The following DSCAML1 variants were observed in gnomAD, a reference collection of about 807,000 sequenced individuals.
DSCAML1 encodes the protein cell adhesion molecule DSCAML1.
DSCAML1 carries 38 observed loss-of-function variants against 200.5 expected under a neutral mutation model. The ratio of observed to expected loss-of-function variants is 0.19; its 90% CI spans 0.15 to 0.25. The LOEUF (loss-of-function observed/expected upper bound fraction) is 0.25, where lower values mean the gene tolerates loss of function less well. Ranked by LOEUF, DSCAML1 falls within the 10% of genes least tolerant of loss-of-function variation. DSCAML1 has a pLI of 1.00. For synonymous variants in DSCAML1, 1,215 were observed against 1,165.0 expected, an observed-to-expected ratio of 1.04 and a Z score of -0.87; for missense variants, 2,223 against 2,858.8, an observed-to-expected ratio of 0.78 and a Z score of 5.07.
intron 3 of DSCAML1, among the ~76,000 whole-genome samples, chr11:117,625,962 G>A (rs2137560432): frequency 2.6e-5 from 4 of 152,350 alleles, no homozygotes; most frequent in Middle Eastern, 3.4e-3. Context: ...CTGGTCCCAT[G>A]CCTGTGGGCA....
rs545473375 is a variant in DSCAML1 at position 117,432,347 on chromosome 11, C to T, written c.5179+5G>A. 2.5e-5 allele frequency: 40 copies of T among 1,611,796 alleles called. No individual in the cohort carries two copies. The South Asian group carries it at 3.0e-4, about 12-fold the overall frequency. On this transcript the variant is annotated splice_donor_5th_base_variant and intron_variant, in intron 30 of 32. Transcript: ENST00000651296. Reference sequence around the variant, plus strand: ...AAGGGCTGTCTCCCTGGGGATAATGCGTACTGGTTCCTGGCCGGATGTCAG... The same window carrying T: ...AAGGGCTGTCTCCCTGGGGATAATGTGTACTGGTTCCTGGCCGGATGTCAG...
At chr11:117,600,203 T>C (rs1013699252) in intron 3 of DSCAML1, among the ~76,000 whole-genome samples, 1 of 152,204 alleles carries the variant, frequency 6.6e-6, no homozygotes, top group Non-Finnish European at 1.5e-5. Context: ...ACATCTTCCG[T>C]TGCCGGCGGG....
At chr11:117,678,000 G>A (rs1040264402) in intron 3 of DSCAML1, among the ~76,000 whole-genome samples, 1 of 152,214 alleles carries the variant, frequency 6.6e-6, no homozygotes, top group Non-Finnish European at 1.5e-5. Context: ...AGCTAAGGGG[G>A]ACTCCGGAGA....
intron 3 of DSCAML1, among the ~76,000 whole-genome samples, chr11:117,586,987 C>T (rs2051157001): frequency 6.6e-6 from 1 of 152,172 alleles, no homozygotes; most frequent in Non-Finnish European, 1.5e-5. Flanking sequence ...CCCACAGTCC[C>T]ATCTGATCCT....
rs1191799830 is a variant in DSCAML1, at chr11:117,566,738, C to T, written c.512-34216G>A. ...TGCTATCCCTCCCCACTCCCCCTAC[C>T]CCACAACAGTCCCCAGAGTGTGATG... On this transcript the variant is annotated intron_variant, in intron 3 of 32. Coordinates refer to ENST00000651296, the MANE Select transcript of DSCAML1 (RefSeq NM_020693.4). Among the ~76,000 whole-genome samples, 8 of 148,188 alleles carry T rather than the reference C, an allele frequency of 5.4e-5. No individual in the cohort carries two copies. In the East Asian group the frequency reaches 1.6e-3, roughly 29 times the overall value.
At chr11:117,634,541 A>G (rs1247739054) in intron 3 of DSCAML1, among the ~76,000 whole-genome samples, 1 of 152,152 alleles carries the variant, frequency 6.6e-6, no homozygotes, top group Non-Finnish European at 1.5e-5. Context: ...CTGGGGATTT[A>G]ATTCCAGTTG....
At chr11:117,605,859 A>G (rs1316718591) in intron 3 of DSCAML1, among the ~76,000 whole-genome samples, 1 of 152,050 alleles carries the variant, frequency 6.6e-6, no homozygotes, top group Admixed American at 6.6e-5. Flanking sequence ...GGGCAGAGTC[A>G]CTTAATCTCC....
At chr11:117,616,248 T>G (rs1273364791) in intron 3 of DSCAML1, among the ~76,000 whole-genome samples, 2 of 152,162 alleles carry the variant, frequency 1.3e-5, no homozygotes, top group African/African-American at 4.8e-5. Flanking sequence ...TTGGATGGAT[T>G]GGGCTGTGGA....
At chr11:117,522,577 T>C (rs573183940) in intron 5 of DSCAML1, among the ~76,000 whole-genome samples, 1 of 152,334 alleles carries the variant, frequency 6.6e-6, no homozygotes, top group South Asian at 2.1e-4. Flanking sequence ...CAAGCTCATG[T>C]GGGCCGAGTG....
chr11:117,718,687 A>C (rs2053998667), intron 3 of DSCAML1, among the ~76,000 whole-genome samples: 1 of 22,310 alleles, frequency 4.5e-5, no homozygotes, highest in Non-Finnish European at 1.1e-4. Flanking sequence ...CCCCCCCATC[A>C]TATGAGACCT....
At position 117,482,177 on chromosome 11, in the gene DSCAML1, C is replaced by A; in HGVS notation, c.2360-15G>T. 2 of 1,613,654 alleles carry A rather than the reference C, an allele frequency of 1.2e-6. No homozygotes were observed. The highest frequency in any genetic ancestry group is 2.2e-5 in the South Asian group (2 of 91,018). ...CATGGCCGGGACTGGGGGGCGGAGG[C>A]AGAGAAGGCCCAGTGAAGGTCGGGA... On this transcript the variant is annotated splice_polypyrimidine_tract_variant and intron_variant, in intron 11 of 32. Transcript: ENST00000651296.
At chr11:117,796,815 C>G (rs2055586182) in intron 1 of DSCAML1, among the ~76,000 whole-genome samples, 1 of 152,164 alleles carries the variant, frequency 6.6e-6, no homozygotes, top group South Asian at 2.1e-4. Flanking sequence ...GGGCGCGCCC[C>G]AAAACGGCAG....
At chr11:117,794,950 G>A (rs1174668304) in intron 1 of DSCAML1, among the ~76,000 whole-genome samples, 1 of 152,188 alleles carries the variant, frequency 6.6e-6, no homozygotes, top group Non-Finnish European at 1.5e-5. Context: ...CGCCACAACT[G>A]GCATCTCCAG....
Position 117,489,481 on chromosome 11 carries a change from C to T in DSCAML1, c.2360-7319G>A, listed in dbSNP as rs940852201. On this transcript the variant is annotated intron_variant, in intron 11 of 32. Coordinates refer to ENST00000651296, the MANE Select transcript of DSCAML1 (RefSeq NM_020693.4). This position sits in a 1 kb window ranked among gnomAD's most constrained non-coding sequence, Gnocchi z 4.8. The stretch of plus-strand genomic sequence containing the variant: ...GGGTGCAGGGGAGACTTTCTGGGGA[C>T]TTGAGAGAAGGGAAGGGCTAGGGCT... Among the ~76,000 whole-genome samples the T allele has an allele frequency of 2.6e-5, 4 of 152,116 alleles. No homozygotes were observed. Among genetic ancestry groups the T allele is most frequent in the African/African-American group, 9.7e-5 (4 of 41,422 alleles).
chr11:117,484,886 AGTGTGTGTGTGTGTGTGTGTGTGTGTGT>A (rs55850829), intron 11 of DSCAML1, among the ~76,000 whole-genome samples: 15 of 119,090 alleles, frequency 1.3e-4, no homozygotes, highest in Admixed American at 3.3e-4. Context: ...GCAGAGGAAC[AGTGTGTGTGTGTGTGTGTGTGTGTGTGT>A]GTGTGTGTGT....
intron 3 of DSCAML1, among the ~76,000 whole-genome samples, chr11:117,690,850 G>C: frequency 6.6e-6 from 1 of 152,172 alleles, no homozygotes; most frequent in East Asian, 1.9e-4. Context: ...GGAGAGTAGA[G>C]GGGCTCTGGG....
intron 3 of DSCAML1, among the ~76,000 whole-genome samples, chr11:117,564,119 AG>A (rs1481766467): frequency 2.6e-5 from 4 of 152,200 alleles, no homozygotes; most frequent in Non-Finnish European, 5.9e-5. Flanking sequence ...TTTTGGGAAA[AG>A]ATGTCTGTTT....
chr11:117,708,943 C>CA (rs1216284992), intron 3 of DSCAML1, among the ~76,000 whole-genome samples: 9 of 152,226 alleles, frequency 5.9e-5, no homozygotes, highest in Non-Finnish European at 1.3e-4. Context: ...CAGAGCCTGT[C>CA]AGAGCTGAGA....
rs75277571 is a variant in DSCAML1 at position 117,647,943 on chromosome 11, C to T, written c.512-115421G>A. Among the ~76,000 whole-genome samples the T allele has an allele frequency of 7.5e-3, 1,142 of 152,280 alleles. 13 individuals are homozygous for T. Among genetic ancestry groups the T allele is most frequent in the African/African-American group, 0.026 (1,063 of 41,548 alleles). On this transcript the variant is annotated intron_variant, in intron 3 of 32. Transcript: ENST00000651296. The stretch of plus-strand genomic sequence containing the variant: ...GTGGCCATGTCACGTCCCGCCGGCA[C>T]GATGGGGCTTCTGGTCCATCAGTAA...
Sources: allele counts gnomAD v4.1 joint callset (sites outside exome capture counted in the v4.1 genomes callset), GRCh38; gene constraint gnomAD v4.1.1; non-coding constraint Gnocchi (gnomAD v3.1); transcripts MANE v1.5; gene names NCBI Gene and HGNC (gene_info 2026-07-23, HGNC 2026-07-21).